Variants in LPIN1 observed in about 807,000 individuals in gnomAD.
The protein encoded by LPIN1 is phosphatidate phosphatase LPIN1.
A neutral mutation model predicts 107.5 loss-of-function variants in LPIN1; 71 were observed. That is an observed-to-expected ratio of 0.66 (90% confidence interval 0.55 to 0.80). The LOEUF (loss-of-function observed/expected upper bound fraction) is 0.80. Among genes scored for constraint, LPIN1 ranks in the 30% least tolerant of loss-of-function variants. The probability of loss-of-function intolerance (pLI) is 0.00; values close to 1 mark genes in which losing one functional copy is unlikely to be tolerated. For synonymous variants in LPIN1, 445 were observed against 452.6 expected (o/e 0.98, Z 0.21); for missense variants, 1,043 against 1,160.6 (o/e 0.90, Z 1.47).
intron 1 of LPIN1, among the ~76,000 whole-genome samples, chr2:11,752,433 ATT>A (rs34156190): frequency 0.12 from 12,512 of 103,842 alleles, 772 homozygotes; most frequent in Middle Eastern, 0.23. Context: ...TTCCAAGGCC[ATT>A]TTTTTTTTTT....
chr2:11,688,854 G>C (rs1404540456), intron 1 of LPIN1, among the ~76,000 whole-genome samples: 1 of 152,226 alleles, frequency 6.6e-6, no homozygotes, highest in Non-Finnish European at 1.5e-5. Flanking sequence ...GACCCAGGCA[G>C]AAATTGAGTT....
chr2:11,692,360 C>A (rs576566191), intron 1 of LPIN1, among the ~76,000 whole-genome samples: 1 of 152,184 alleles, frequency 6.6e-6, no homozygotes, highest in Non-Finnish European at 1.5e-5. Flanking sequence ...TCACTCTGCA[C>A]TTGGGTGGCG....
chr2:11,713,745 T>C (rs1457249933), intron 1 of LPIN1: 2 of 1,470,326 alleles, frequency 1.4e-6, no homozygotes, highest in East Asian at 2.5e-5. Flanking sequence ...TCTAATGTTT[T>C]TGTTTTTCAG....
intron 3 of LPIN1, among the ~76,000 whole-genome samples, chr2:11,770,613 C>A (rs1218615041): frequency 6.6e-6 from 1 of 152,196 alleles, no homozygotes; most frequent in Admixed American, 6.5e-5. Context: ...GAATGATCAG[C>A]AGCACACGTT....
At chr2:11,795,120 A>T (rs1676432230) in intron 13 of LPIN1, among the ~76,000 whole-genome samples, 1 of 152,254 alleles carries the variant, frequency 6.6e-6, no homozygotes, top group Admixed American at 6.5e-5. Flanking sequence ...TGCATAAGCT[A>T]CAGTGATGAT....
chr2:11,818,917 A>G (rs554061119), intron 18 of LPIN1: 1 of 152,190 alleles, frequency 6.6e-6, no homozygotes, highest in Non-Finnish European at 1.5e-5. Flanking sequence ...TTTTGTATCT[A>G]TTGAGATGAT....
Position 11,785,009 on chromosome 2 carries a change from G to C in LPIN1, c.1482G>C (p.Leu494=). The change falls in exon 10 of 21, where the codon CTG becomes CTC. Residue 494 remains leucine (L), a synonymous_variant. Coordinates refer to ENST00000674199, the MANE Select transcript of LPIN1 (RefSeq NM_001349206.2). ...DSGVESTSDG[L]RDLPSIAISL... Reference sequence around the variant, plus strand: ...GCGTGGAGAGCACCTCGGACGGGCTGAGGGACCTCCCTTCCATCGCCATCT... The same window carrying C: ...GCGTGGAGAGCACCTCGGACGGGCTCAGGGACCTCCCTTCCATCGCCATCT... 1 of 1,611,772 alleles carries C rather than the reference G, an allele frequency of 6.2e-7. No homozygotes were observed. Among genetic ancestry groups the C allele is most frequent in the Non-Finnish European group, 8.5e-7 (1 of 1,178,616 alleles).
chr2:11,779,524 C>CAA lies in LPIN1; in HGVS notation c.836_837insAA (p.Gly280ThrfsTer48). The CAA allele has an allele frequency of 6.2e-7, 1 of 1,613,540 alleles. No homozygotes were observed. Among genetic ancestry groups the CAA allele is most frequent in the Non-Finnish European group, 8.5e-7 (1 of 1,179,966 alleles). On this transcript the variant is annotated frameshift_variant, in exon 7 of 21. Coordinates refer to ENST00000674199, the MANE Select transcript of LPIN1 (RefSeq NM_001349206.2). LOFTEE classifies it high-confidence loss of function. Reference sequence around the variant, plus strand: ...CGCTTTGTGTTTTCCTTAAGTCCTTCCGGTTCCCGACCTTCAACACCTAAA... The same window carrying CAA: ...CGCTTTGTGTTTTCCTTAAGTCCTTCAACGGTTCCCGACCTTCAACACCTAAA...
At chr2:11,779,092 C>G (rs1466762978) in intron 6 of LPIN1, among the ~76,000 whole-genome samples, 2 of 152,224 alleles carry the variant, frequency 1.3e-5, no homozygotes, top group Non-Finnish European at 2.9e-5. Context: ...TAATGAGTGC[C>G]TGCCCGAGCC....
intron 1 of LPIN1, among the ~76,000 whole-genome samples, chr2:11,733,505 T>C (rs1665476220): frequency 1.3e-5 from 2 of 152,020 alleles, no homozygotes; most frequent in African/African-American, 2.4e-5. Context: ...CTCTCTTTTT[T>C]TTTTTTTTGA....
rs1440728352 is a variant in LPIN1, at chr2:11,782,430, T to C, written c.1187T>C (p.Met396Thr). Residue 396 changes from methionine to threonine, a missense_variant, in exon 8 of 21, where the codon ATG (methionine) becomes ACG (threonine). Transcript: ENST00000674199. ...TLGAAAPLLP[M>T]IEELKPPSAS... ...GGAGCAGCAGCGCCACTCTTGCCCA[T>C]GATCGAGGAGCTCAAACCCCCCTCT... The C allele has an allele frequency of 6.2e-7, 1 of 1,614,176 alleles. No individual in the cohort carries two copies. The highest frequency in any genetic ancestry group is 8.5e-7 in the Non-Finnish European group (1 of 1,180,036).
chr2:11,781,804 A>G (rs891813159), intron 7 of LPIN1, among the ~76,000 whole-genome samples: 1 of 152,212 alleles, frequency 6.6e-6, no homozygotes, highest in Non-Finnish European at 1.5e-5. Context: ...TGCTCCCTGC[A>G]AGGGGAAACT....
intron 1 of LPIN1, among the ~76,000 whole-genome samples, chr2:11,695,394 C>A (rs1477165968): frequency 6.6e-6 from 1 of 152,080 alleles, no homozygotes; most frequent in Non-Finnish European, 1.5e-5. Context: ...GATGAGGGAG[C>A]TGGCCATTTG....
intron 6 of LPIN1, among the ~76,000 whole-genome samples, chr2:11,776,800 A>G (rs1473008348): frequency 6.6e-6 from 1 of 152,176 alleles, no homozygotes; most frequent in Non-Finnish European, 1.5e-5. Flanking sequence ...TCATTCCCTC[A>G]GTTTTGACCT....
chr2:11,760,489 G>A (rs1233823244), intron 1 of LPIN1, among the ~76,000 whole-genome samples: 2 of 152,278 alleles, frequency 1.3e-5, no homozygotes, highest in African/African-American at 4.8e-5. Context: ...AGACCAGCCC[G>A]GCCAACACAG....
intron 1 of LPIN1, among the ~76,000 whole-genome samples, chr2:11,701,418 C>T (rs1662868041): frequency 1.3e-5 from 2 of 152,152 alleles, no homozygotes; most frequent in African/African-American, 4.8e-5. Context: ...ACTGGACTTG[C>T]CTAATCCAGT....
intron 5 of LPIN1, among the ~76,000 whole-genome samples, 188 bp from the exon 6 acceptor site, chr2:11,775,894 TTATA>T (rs1250420319): frequency 6.8e-6 from 1 of 147,846 alleles, no homozygotes; most frequent in Non-Finnish European, 1.5e-5. Context: ...TATATAATCT[TTATA>T]TAAAGTATAT....
intron 1 of LPIN1, among the ~76,000 whole-genome samples, chr2:11,706,412 T>C (rs796075634): frequency 1.3e-5 from 2 of 152,192 alleles, no homozygotes; most frequent in African/African-American, 4.8e-5. Context: ...GGGTTGCAGT[T>C]GGAATTAAGG....
chr2:11,706,402 G>A (rs947307540), intron 1 of LPIN1, among the ~76,000 whole-genome samples: 2 of 152,176 alleles, frequency 1.3e-5, no homozygotes, highest in Admixed American at 1.3e-4. Flanking sequence ...GAAAGAATGA[G>A]GGTTGCAGTT....
Sources: gnomAD v4.1 joint callset for allele counts (sites outside exome capture counted in the v4.1 genomes callset) on GRCh38, gnomAD v4.1.1 for gene constraint, MANE v1.5 for transcripts, NCBI Gene and HGNC (gene_info 2026-07-23, HGNC 2026-07-21) for gene names.